Variants in CPEB3 observed in about 807,000 individuals in gnomAD.
CPEB3 encodes the protein cytoplasmic polyadenylation element binding protein 3.
In CPEB3, 20 loss-of-function variants were observed where a neutral mutation model predicts 67.2. The observed-to-expected ratio is 0.30, with a 90% CI of 0.21 to 0.43. CPEB3 has a LOEUF of 0.43. Ranked by LOEUF, CPEB3 falls within the 20% of genes least tolerant of loss-of-function variation. The probability of loss-of-function intolerance (pLI) is 1.00; values close to 1 mark genes in which losing one functional copy is unlikely to be tolerated. For synonymous variants in CPEB3, 376 were observed against 393.1 expected, an observed-to-expected ratio of 0.96 and a Z score of 0.51; for missense variants, 746 against 968.6, an observed-to-expected ratio of 0.77 and a Z score of 3.05.
intron 2 of CPEB3, chr10:92,216,528 A>AG: frequency 5.6e-6 from 9 of 1,612,790 alleles, no homozygotes; most frequent in Non-Finnish European, 7.6e-6. Flanking sequence ...GGGGTGAAAG[A>AG]GGTTCAGAAA....
chr10:92,217,246 TATAC>T (rs1218149916), intron 2 of CPEB3, among the ~76,000 whole-genome samples: 9 of 125,448 alleles, frequency 7.2e-5, no homozygotes, highest in African/African-American at 3.1e-4. Flanking sequence ...TATATATATA[TATAC>T]ACACACACAC....
At position 92,099,841 on chromosome 10, in the gene CPEB3, G is replaced by A. The variant is rs189507677; in HGVS notation, c.1573-7897C>T. Among the ~76,000 whole-genome samples, 35 of 148,470 alleles carry A rather than the reference G, an allele frequency of 2.4e-4. No homozygotes were observed. The East Asian group carries it at 5.8e-3, about 25-fold the overall frequency. ...ATCACGCCATTGCACTCCAGCCTGG[G>A]CAGTGAAACTCCGTCTCAAAAAAAA... On this transcript the variant is annotated intron_variant, in intron 7 of 9. Transcript: ENST00000265997.
At chr10:92,256,074 T>C (rs1275942037) in intron 1 of CPEB3, among the ~76,000 whole-genome samples, 1 of 152,206 alleles carries the variant, frequency 6.6e-6, no homozygotes, top group Non-Finnish European at 1.5e-5. Flanking sequence ...ACCATCAGTG[T>C]AGTCACACAA....
chr10:92,063,906 A>G (rs189802333), intron 9 of CPEB3, among the ~76,000 whole-genome samples: 1 of 152,350 alleles, frequency 6.6e-6, no homozygotes, highest in Admixed American at 6.5e-5. Flanking sequence ...GTGAAGCGAT[A>G]TAATTTAATA....
chr10:92,182,248 T>A (rs1439279999), intron 3 of CPEB3, among the ~76,000 whole-genome samples: 1 of 152,214 alleles, frequency 6.6e-6, no homozygotes, highest in East Asian at 1.9e-4. Flanking sequence ...AAGGTTAAAA[T>A]GATTGATTTT....
intron 5 of CPEB3, 52 bp from the exon 6 acceptor site, chr10:92,143,170 G>T: frequency 7.3e-7 from 1 of 1,375,846 alleles, no homozygotes; most frequent in South Asian, 1.2e-5. Flanking sequence ...ATTGCAATCA[G>T]AAAACCAGAA....
intron 1 of CPEB3, among the ~76,000 whole-genome samples, chr10:92,244,896 T>A (rs896982592): frequency 6.6e-6 from 1 of 152,164 alleles, no homozygotes; most frequent in African/African-American, 2.4e-5. Context: ...CAGAAGATAT[T>A]TCTTGTGGGA....
At chr10:92,133,407 T>C (rs951782113) in intron 6 of CPEB3, among the ~76,000 whole-genome samples, 9 of 152,006 alleles carry the variant, frequency 5.9e-5, no homozygotes, top group Admixed American at 5.2e-4. Flanking sequence ...ACAAATAAAC[T>C]AGAAAATGTA....
intron 1 of CPEB3, among the ~76,000 whole-genome samples, chr10:92,289,754 T>TA (rs1265861256): frequency 9.0e-6 from 1 of 111,104 alleles, no homozygotes; most frequent in Non-Finnish European, 1.6e-5. Context: ...TATATATATA[T>TA]ATATGTATTA....
chr10:92,161,994 T>G (rs1847509374), intron 4 of CPEB3, among the ~76,000 whole-genome samples: 1 of 152,206 alleles, frequency 6.6e-6, no homozygotes, highest in African/African-American at 2.4e-5. Context: ...GTAATGTGAC[T>G]TATTTCATCT....
At chr10:92,233,571 A>G (rs114809928) in intron 2 of CPEB3, among the ~76,000 whole-genome samples, 2,007 of 151,380 alleles carry the variant, frequency 0.013, 30 homozygotes, top group African/African-American at 0.046. Flanking sequence ...AACACAAACT[A>G]CTTGGAAAAA....
chr10:92,252,031 G>GCT (rs1284659371), intron 1 of CPEB3, among the ~76,000 whole-genome samples: 1 of 150,370 alleles, frequency 6.7e-6, no homozygotes, highest in East Asian at 2.0e-4. Context: ...GAGAATATAT[G>GCT]CTCTCTCTCT....
At chr10:92,274,183 G>A (rs980032230) in intron 1 of CPEB3, among the ~76,000 whole-genome samples, 3 of 152,124 alleles carry the variant, frequency 2.0e-5, no homozygotes, top group East Asian at 1.9e-4. Context: ...AAGGGTTGTC[G>A]TCACGATCTG....
At chr10:92,155,258 A>T (rs1271970946) in intron 4 of CPEB3, among the ~76,000 whole-genome samples, 1 of 152,238 alleles carries the variant, frequency 6.6e-6, no homozygotes, top group East Asian at 1.9e-4. Flanking sequence ...ATAGAAAATA[A>T]GTTATAACTC....
intron 6 of CPEB3, among the ~76,000 whole-genome samples, chr10:92,122,488 G>A (rs990828784): frequency 1.3e-5 from 2 of 152,158 alleles, no homozygotes. Context: ...CCTCTTGAAT[G>A]AGGATACCTG....
At chr10:92,140,701 A>G (rs1270004911) in intron 6 of CPEB3, among the ~76,000 whole-genome samples, 4 of 137,676 alleles carry the variant, frequency 2.9e-5, no homozygotes, top group East Asian at 2.1e-4. Context: ...GCAACCTACA[A>G]AATGGGAGAA....
chr10:92,162,258 A>C (rs2133958786), intron 4 of CPEB3, among the ~76,000 whole-genome samples: 1 of 152,180 alleles, frequency 6.6e-6, no homozygotes, highest in African/African-American at 2.4e-5. Flanking sequence ...TTGGCTAGCG[A>C]TAGTAACCAG....
chr10:92,086,660 T>C (rs1325481377), intron 8 of CPEB3, among the ~76,000 whole-genome samples: 1 of 152,224 alleles, frequency 6.6e-6, no homozygotes, highest in Non-Finnish European at 1.5e-5. Flanking sequence ...AGAGTGGTAT[T>C]CAAATGTTTA....
chr10:92,177,606 G>A (rs564272211), intron 4 of CPEB3, among the ~76,000 whole-genome samples: 8 of 152,120 alleles, frequency 5.3e-5, no homozygotes, highest in Non-Finnish European at 1.2e-4. Context: ...AAGGTTTACT[G>A]GTAACTCTTA....
Sources: allele counts gnomAD v4.1 joint callset (sites outside exome capture counted in the v4.1 genomes callset), GRCh38; gene constraint gnomAD v4.1.1; transcripts MANE v1.5; gene names NCBI Gene and HGNC (gene_info 2026-07-23, HGNC 2026-07-21).